The following ANKRD18A variants were observed in gnomAD, a reference collection of about 807,000 sequenced individuals.
ANKRD18A encodes the protein ankyrin repeat domain-containing protein 18A.
A neutral mutation model predicts 110.6 loss-of-function variants in ANKRD18A; 72 were observed. That is an observed-to-expected ratio of 0.65 (90% CI 0.54 to 0.79). The LOEUF (loss-of-function observed/expected upper bound fraction) is 0.79, where lower values mean the gene tolerates loss of function less well. Among genes scored for constraint, ANKRD18A ranks in the 30% least tolerant of loss-of-function variants. The probability of loss-of-function intolerance (pLI) is 0.00; values close to 1 mark genes in which losing one functional copy is unlikely to be tolerated. For synonymous variants in ANKRD18A, 305 were observed against 410.3 expected (o/e 0.74, Z 3.10); for missense variants, 934 against 1,163.3 (o/e 0.80, Z 2.87).
At chr9:38,603,115 C>A in intron 7 of ANKRD18A, 44 bp downstream of exon 7, 1 of 1,524,658 alleles carries the variant, frequency 6.6e-7, no homozygotes. Flanking sequence ...CCTTGTCTCC[C>A]AGTCTCTTTA....
At chr9:38,607,663 T>C (rs1024934352) in intron 5 of ANKRD18A, among the ~76,000 whole-genome samples, 170 bp from the exon 6 acceptor site, 3 of 152,334 alleles carry the variant, frequency 2.0e-5, no homozygotes, top group South Asian at 2.1e-4. Flanking sequence ...AAGCTTCTAA[T>C]TGAACAAGAA....
At chr9:38,571,184 G>T, downstream of ANKRD18A, 5 of 1,532,428 alleles carry the variant, frequency 3.3e-6, no homozygotes, top group Non-Finnish European at 4.4e-6. Flanking sequence ...GGAAGGGCTC[G>T]CCTGTGCTTC....
chr9:38,583,023 T>C (rs1824228418), intron 12 of ANKRD18A, among the ~76,000 whole-genome samples: 1 of 152,240 alleles, frequency 6.6e-6, no homozygotes, highest in Non-Finnish European at 1.5e-5. Context: ...TAGATATTTC[T>C]GCAAAGAAGA....
rs536651924 is a variant in ANKRD18A at position 38,588,792 on chromosome 9, C to T, written c.2005-129G>A. ...GTTGTATAAAGTGCATTTTACAAACCTGATGCCAATAACGAGATTTCAAAA... is the reference window on the plus strand; with the variant it reads ...GTTGTATAAAGTGCATTTTACAAACTTGATGCCAATAACGAGATTTCAAAA... On this transcript the variant is annotated intron_variant, in intron 10 of 15. Transcript: ENST00000399703. 117 of 578,212 alleles carry T rather than the reference C, an allele frequency of 2.0e-4. No homozygotes were observed. The South Asian group carries it at 8.8e-3, about 44-fold the overall frequency. The allele number at this position is 578,212 out of a possible 1,614,324, so 35.8% of individuals were successfully genotyped here. A position where few individuals can be genotyped will look rare whatever the true frequency, so the allele number is the denominator to read the frequency against.
At chr9:38,612,455 A>C (rs1457565382) in intron 3 of ANKRD18A, among the ~76,000 whole-genome samples, 1 of 151,738 alleles carries the variant, frequency 6.6e-6, no homozygotes, top group Non-Finnish European at 1.5e-5. Context: ...AAGTGCTAAT[A>C]CTGATGTATA....
chr9:38,596,410 A>C lies in ANKRD18A; in HGVS notation c.937-7T>G. On this transcript the variant is annotated splice_polypyrimidine_tract_variant and splice_region_variant and intron_variant, in intron 8 of 15. Coordinates refer to ENST00000399703, the MANE Select transcript of ANKRD18A (RefSeq NM_147195.4). ...TTCCGTAACTTTGAGAATCCTAAAT[A>C]AAACAAAACAAATTTTTAGTTAGCA... 2 of 1,431,548 alleles carry C rather than the reference A, an allele frequency of 1.4e-6. No individual in the cohort carries two copies. The highest frequency in any genetic ancestry group is 1.8e-6 in the Non-Finnish European group (2 of 1,091,394). The allele number at this position is 1,431,548 out of a possible 1,614,324, so 88.7% of individuals were successfully genotyped here.
downstream of ANKRD18A, among the ~76,000 whole-genome samples, chr9:38,570,076 C>G (rs547375732): frequency 1.3e-5 from 2 of 152,172 alleles, no homozygotes; most frequent in Non-Finnish European, 2.9e-5. Flanking sequence ...TGGCCAGGTT[C>G]CTACTGACCA....
chr9:38,573,096 C>T lies in ANKRD18A; in HGVS notation c.2965-1037G>A, dbSNP rs1452274642. Reference sequence around the variant, plus strand: ...TTTGGCAACATACTTTTCTTTGTTCCTGTAATTATTTGTTCTACACGGTCC... The same window carrying T: ...TTTGGCAACATACTTTTCTTTGTTCTTGTAATTATTTGTTCTACACGGTCC... On this transcript the variant is annotated intron_variant, in intron 15 of 15. Coordinates refer to ENST00000399703, the MANE Select transcript of ANKRD18A (RefSeq NM_147195.4). 6.3e-6 allele frequency: 9 copies of T among 1,418,160 alleles called. No individual in the cohort carries two copies. The East Asian group carries it at 1.5e-4, about 24-fold the overall frequency. 87.8% of individuals were successfully genotyped at this position (1,418,160 alleles called of 1,614,324 possible). A position where few individuals can be genotyped will look rare whatever the true frequency, so the allele number is the denominator to read the frequency against.
Position 38,607,339 on chromosome 9 carries a change from G to A in ANKRD18A, c.808+87C>T, listed in dbSNP as rs977915651. The A allele has an allele frequency of 9.8e-6, 11 of 1,124,948 alleles. No individual in the cohort carries two copies. The African/African-American group carries it at 1.8e-4, about 19-fold the overall frequency. The allele number at this position is 1,124,948 out of a possible 1,614,324, so 69.7% of individuals were successfully genotyped here. ...CCCAAAGTGCTGGGATTACAGGTGT[G>A]AGCCACCATGCCTGGCCTGTAATTT... On this transcript the variant is annotated intron_variant, in intron 6 of 15. Coordinates refer to ENST00000399703, the MANE Select transcript of ANKRD18A (RefSeq NM_147195.4).
chr9:38,584,990 A>T, intron 12 of ANKRD18A, among the ~76,000 whole-genome samples: 1 of 152,180 alleles, frequency 6.6e-6, no homozygotes, highest in East Asian at 1.9e-4. Flanking sequence ...CCAAATATAT[A>T]TTTTTTGACA....
intron 1 of ANKRD18A, among the ~76,000 whole-genome samples, chr9:38,619,401 C>T (rs1490325542): frequency 6.6e-6 from 1 of 152,110 alleles, no homozygotes; most frequent in Non-Finnish European, 1.5e-5. Context: ...TTTGGATTTC[C>T]TGTTCTGTTC....
At chr9:38,585,072 T>TGCATC (rs1428519418) in intron 12 of ANKRD18A, among the ~76,000 whole-genome samples, 2 of 152,222 alleles carry the variant, frequency 1.3e-5, no homozygotes, top group Non-Finnish European at 2.9e-5. Flanking sequence ...TGGGGGAATC[T>TGCATC]GCATCTGTAA....
At position 38,588,941 on chromosome 9, in the gene ANKRD18A, G is replaced by C. The variant is rs189191534; in HGVS notation, c.2005-278C>G. Among the ~76,000 whole-genome samples, 52 of 152,300 alleles carry C rather than the reference G, an allele frequency of 3.4e-4. 1 individual carries two copies. The highest frequency in any genetic ancestry group is 1.2e-3 in the African/African-American group (48 of 41,564). On this transcript the variant is annotated intron_variant, in intron 10 of 15. Coordinates refer to ENST00000399703, the MANE Select transcript of ANKRD18A (RefSeq NM_147195.4). ...TTTACACATAAAGTACTAAGGGTTAGTAAGATACATTAAGAGTAGTAATAT... is the reference window on the plus strand; with the variant it reads ...TTTACACATAAAGTACTAAGGGTTACTAAGATACATTAAGAGTAGTAATAT...
chr9:38,594,417 G>A (rs992882337), intron 9 of ANKRD18A, among the ~76,000 whole-genome samples: 2 of 152,112 alleles, frequency 1.3e-5, no homozygotes, highest in African/African-American at 2.4e-5. Context: ...AAGTATCTTT[G>A]TACTGGAAAG....
intron 6 of ANKRD18A, among the ~76,000 whole-genome samples, chr9:38,605,393 A>C (rs1285022083): frequency 1.3e-5 from 2 of 152,226 alleles, no homozygotes; most frequent in Non-Finnish European, 2.9e-5. Context: ...AAACTATGTC[A>C]ATTCCATCTT....
At chr9:38,617,191 C>T (rs1344526396) in intron 1 of ANKRD18A, among the ~76,000 whole-genome samples, 1 of 152,202 alleles carries the variant, frequency 6.6e-6, no homozygotes, top group Non-Finnish European at 1.5e-5. Context: ...CCTGTGATCC[C>T]AGCACTTTGG....
chr9:38,602,829 C>T (rs1219671001), intron 7 of ANKRD18A, among the ~76,000 whole-genome samples: 1 of 152,156 alleles, frequency 6.6e-6, no homozygotes, highest in Non-Finnish European at 1.5e-5. Flanking sequence ...GAACACCACA[C>T]CCAGTTACAG....
chr9:38,610,516 A>G (rs1825568563), intron 4 of ANKRD18A, 106 bp from the exon 5 acceptor site: 1 of 1,418,634 alleles, frequency 7.0e-7, no homozygotes, highest in East Asian at 2.5e-5. Context: ...CAGGATAGAC[A>G]TAATAACCAT....
intron 8 of ANKRD18A, among the ~76,000 whole-genome samples, chr9:38,597,144 A>G (rs1824919203): frequency 6.6e-6 from 1 of 152,174 alleles, no homozygotes; most frequent in Admixed American, 6.6e-5. Flanking sequence ...CAGGCATAAA[A>G]TGTGTCTTCT....
Sources: allele counts gnomAD v4.1 joint callset (sites outside exome capture counted in the v4.1 genomes callset), GRCh38; gene constraint gnomAD v4.1.1; transcripts MANE v1.5; gene names NCBI Gene and HGNC (gene_info 2026-07-23, HGNC 2026-07-21).